FOXP1: variants seen among roughly 807,000 people sequenced by gnomAD.
FOXP1 encodes the protein forkhead box P1.
FOXP1 carries 15 observed loss-of-function variants against 98.2 expected under a neutral mutation model. That is an observed-to-expected ratio of 0.15 (90% CI 0.10 to 0.24). The LOEUF (loss-of-function observed/expected upper bound fraction) is 0.24. FOXP1 is among the 10% of genes least tolerant of loss of function. The probability of loss-of-function intolerance (pLI) is 1.00; values close to 1 mark genes in which losing one functional copy is unlikely to be tolerated. For missense variants in FOXP1, 633 were observed against 848.5 expected, an observed-to-expected ratio of 0.75 and a Z score of 3.15; for synonymous variants, 371 against 314.5, an observed-to-expected ratio of 1.18 and a Z score of -1.90.
chr3:71,194,731 T>C (rs1432945216), intron 6 of FOXP1, among the ~76,000 whole-genome samples: 1 of 152,182 alleles, frequency 6.6e-6, no homozygotes, highest in Non-Finnish European at 1.5e-5. Flanking sequence ...TGGTATCGGG[T>C]AAAGAATTAC....
intron 12 of FOXP1, among the ~76,000 whole-genome samples, chr3:71,012,115 G>A (rs943813493): frequency 2.0e-5 from 3 of 152,092 alleles, no homozygotes; most frequent in African/African-American, 4.8e-5. Flanking sequence ...ACTGATATAT[G>A]TCCCTGAGCT....
intron 11 of FOXP1, among the ~76,000 whole-genome samples, chr3:71,028,393 C>A (rs886913594): frequency 3.3e-5 from 5 of 152,142 alleles, no homozygotes; most frequent in African/African-American, 1.2e-4. Context: ...AATGTGGGGG[C>A]CCCACCCCAA....
chr3:71,189,657 G>GT (rs998561474), intron 6 of FOXP1, among the ~76,000 whole-genome samples: 1 of 152,120 alleles, frequency 6.6e-6, no homozygotes, highest in Non-Finnish European at 1.5e-5. Context: ...CTCATCATTG[G>GT]TAACTCCCAC....
chr3:71,523,295 T>C (rs931484511), intron 2 of FOXP1, among the ~76,000 whole-genome samples: 3 of 152,202 alleles, frequency 2.0e-5, no homozygotes, highest in African/African-American at 7.2e-5. Context: ...TTCTTGGCTC[T>C]AGAAGCAAAA....
intron 4 of FOXP1, among the ~76,000 whole-genome samples, chr3:71,313,907 TTAGAC>T (rs2074890276): frequency 6.6e-6 from 1 of 152,168 alleles, no homozygotes; most frequent in African/African-American, 2.4e-5. Context: ...ACAGTATACT[TTAGAC>T]TAGAATAGTT....
intron 5 of FOXP1, among the ~76,000 whole-genome samples, chr3:71,239,661 C>T (rs1024167712): frequency 2.6e-5 from 4 of 152,200 alleles, no homozygotes; most frequent in Non-Finnish European, 4.4e-5. Context: ...AGGTTTTTTA[C>T]ACACACTTTG....
chr3:70,985,331 C>T (rs928367073), intron 14 of FOXP1, among the ~76,000 whole-genome samples: 3 of 152,096 alleles, frequency 2.0e-5, no homozygotes, highest in Admixed American at 1.3e-4. Context: ...CACCAGATAG[C>T]TCTGGGCCCT....
chr3:70,994,208 ACAAG>A (rs921653809), intron 13 of FOXP1, among the ~76,000 whole-genome samples: 10 of 150,740 alleles, frequency 6.6e-5, no homozygotes, highest in African/African-American at 2.4e-4. Context: ...TGAAATAATT[ACAAG>A]CAGAAGATGG....
In FOXP1 at chr3:70,998,154, A is replaced by C. The variant is rs141917159; in HGVS notation, c.1062+2818T>G. ...ATCCTCTTGACCAGGGGTGCCTGGC[A>C]AACTTCTGTAAGAGCCAGATCATAA... On this transcript the variant is annotated intron_variant, in intron 13 of 20. Transcript: ENST00000649528. Among the ~76,000 whole-genome samples the C allele has an allele frequency of 8.6e-3, 1,308 of 152,340 alleles. 13 individuals are homozygous for C. The highest frequency in any genetic ancestry group is 0.013 in the Non-Finnish European group (877 of 68,032).
chr3:71,114,562 A>G (rs1180129479), intron 6 of FOXP1, among the ~76,000 whole-genome samples: 3 of 152,228 alleles, frequency 2.0e-5, no homozygotes, highest in Non-Finnish European at 4.4e-5. Flanking sequence ...GTGACAAAGA[A>G]AAGACCATGG....
intron 7 of FOXP1, among the ~76,000 whole-genome samples, chr3:71,073,713 T>C (rs1392862913): frequency 6.6e-6 from 1 of 152,202 alleles, no homozygotes; most frequent in Non-Finnish European, 1.5e-5. Context: ...TTTGAGAGCA[T>C]TGGTGTGAAT....
At chr3:71,575,190 C>T (rs533440411) in intron 2 of FOXP1, among the ~76,000 whole-genome samples, 2 of 152,240 alleles carry the variant, frequency 1.3e-5, no homozygotes, top group East Asian at 1.9e-4. Flanking sequence ...TAAAAACCAC[C>T]GTTTTTCATT....
intron 2 of FOXP1, among the ~76,000 whole-genome samples, chr3:71,578,889 T>C (rs895775230): frequency 6.6e-6 from 1 of 152,242 alleles, no homozygotes; most frequent in Admixed American, 6.5e-5. Context: ...TAAGTATAAA[T>C]GGTTTAACTA....
chr3:71,111,536 T>G (rs986607350), intron 7 of FOXP1, among the ~76,000 whole-genome samples: 2 of 152,160 alleles, frequency 1.3e-5, no homozygotes, highest in Non-Finnish European at 2.9e-5. Flanking sequence ...TAGCTGGGAT[T>G]ACAGGCACCC....
chr3:71,558,499 AT>A lies in FOXP1; in HGVS notation c.-298+23049del, dbSNP rs1160071071. On this transcript the variant is annotated intron_variant, in intron 2 of 20. Transcript: ENST00000649528. ...TTGTTTTTGTTTTTTGTTTTTTTGG[AT>A]TTTTTTTTTTTTTGAGATGGAGTCT... is the stretch of plus-strand genomic sequence containing the variant. Among the ~76,000 whole-genome samples the A allele has an allele frequency of 5.4e-3, 768 of 141,524 alleles. 3 individuals carry two copies. The highest frequency in any genetic ancestry group is 0.013 in the African/African-American group (497 of 38,856). 92.8% of individuals were successfully genotyped at this position (141,524 alleles called of 152,430 possible).
chr3:71,105,654 C>A (rs1393231110), intron 7 of FOXP1, among the ~76,000 whole-genome samples: 1 of 152,144 alleles, frequency 6.6e-6, no homozygotes, highest in Non-Finnish European at 1.5e-5. Flanking sequence ...ATAAACTAGT[C>A]CATGTTCCAA....
At chr3:71,175,093 C>T (rs2321505) in intron 6 of FOXP1, among the ~76,000 whole-genome samples, 67,577 of 151,464 alleles carry the variant, frequency 0.45, 16,082 homozygotes, top group African/African-American at 0.62. Context: ...TTTGTGTTTT[C>T]AGTAGAGACG....
At chr3:71,166,139 A>G (rs1271620275) in intron 6 of FOXP1, among the ~76,000 whole-genome samples, 5 of 152,220 alleles carry the variant, frequency 3.3e-5, no homozygotes, top group African/African-American at 9.6e-5. Flanking sequence ...TCCTTGGCCC[A>G]CTTGCCATTT....
intron 2 of FOXP1, among the ~76,000 whole-genome samples, chr3:71,566,932 G>T (rs2046959387): frequency 6.6e-6 from 1 of 151,904 alleles, no homozygotes; most frequent in Non-Finnish European, 1.5e-5. Context: ...TTCTCCCTGG[G>T]CTCTCAGAAT....
Sources: gnomAD v4.1 joint callset for allele counts (sites outside exome capture counted in the v4.1 genomes callset) on GRCh38, gnomAD v4.1.1 for gene constraint, MANE v1.5 for transcripts, NCBI Gene and HGNC (gene_info 2026-07-23, HGNC 2026-07-21) for gene names.